The following TUT4 variants were observed in gnomAD, a reference collection of about 807,000 sequenced individuals.
TUT4 encodes the protein terminal uridylyltransferase 4.
TUT4 carries 36 observed loss-of-function variants against 192.2 expected under a neutral mutation model. That is an observed-to-expected ratio of 0.19 (90% CI 0.14 to 0.25). The LOEUF (loss-of-function observed/expected upper bound fraction) is 0.25, where lower values mean the gene tolerates loss of function less well. Ranked by LOEUF, TUT4 falls within the 10% of genes least tolerant of loss-of-function variation. The pLI, the probability that TUT4 is intolerant of heterozygous loss-of-function variation, is 1.00. For missense variants in TUT4, 1,493 were observed against 1,957.2 expected (o/e 0.76, Z 4.47); for synonymous variants, 618 against 666.0 (o/e 0.93, Z 1.11).
chr1:52,495,581 C>T (rs1672247121), intron 5 of TUT4, 66 bp from the exon 6 acceptor site: 6 of 1,255,704 alleles, frequency 4.8e-6, no homozygotes, highest in East Asian at 2.4e-5. Flanking sequence ...AAAAAAACAG[C>T]GACGGGAAAA....
intron 9 of TUT4, among the ~76,000 whole-genome samples, chr1:52,487,197 G>A (rs12402446): frequency 0.17 from 25,540 of 152,060 alleles, 4,546 homozygotes; most frequent in African/African-American, 0.45. Context: ...TGTAATCCCA[G>A]CACTTTGGGA....
At chr1:52,531,108 A>G (rs952543627) in intron 1 of TUT4, among the ~76,000 whole-genome samples, 2 of 152,214 alleles carry the variant, frequency 1.3e-5, no homozygotes, top group Non-Finnish European at 2.9e-5. Context: ...ATGGAAAAAA[A>G]TATTATCAGA....
At chr1:52,463,822 G>GA (rs1340406037) in intron 16 of TUT4, 2 of 1,298,900 alleles carry the variant, frequency 1.5e-6, no homozygotes, top group Non-Finnish European at 2.0e-6. Flanking sequence ...TCTTACTGCT[G>GA]AAATTGCACT....
intron 2 of TUT4, among the ~76,000 whole-genome samples, chr1:52,524,793 ACT>A (rs1681270578): frequency 6.6e-6 from 1 of 152,156 alleles, no homozygotes; most frequent in African/African-American, 2.4e-5. Flanking sequence ...ACACAGTAAG[ACT>A]CTGTCTCAGA....
At chr1:52,468,573 A>C (rs1206859224) in intron 14 of TUT4, 2 of 223,172 alleles carry the variant, frequency 9.0e-6, no homozygotes, top group Non-Finnish European at 1.7e-5. Flanking sequence ...TTACTTCTTC[A>C]CTCTCCCCCA....
chr1:52,483,202 G>A (rs1456766615), intron 9 of TUT4, among the ~76,000 whole-genome samples: 2 of 152,074 alleles, frequency 1.3e-5, no homozygotes, highest in Non-Finnish European at 2.9e-5. Flanking sequence ...TATGAAATTT[G>A]TGTATGTTTA....
chr1:52,488,569 T>G (rs1431410883), intron 9 of TUT4, among the ~76,000 whole-genome samples: 2 of 152,212 alleles, frequency 1.3e-5, no homozygotes, highest in African/African-American at 2.4e-5. Flanking sequence ...TCTTAATGTA[T>G]ATACATCTTA....
intron 19 of TUT4, among the ~76,000 whole-genome samples, chr1:52,459,112 C>T (rs1337716969): frequency 6.6e-6 from 1 of 151,962 alleles, no homozygotes; most frequent in Non-Finnish European, 1.5e-5. Context: ...ACGGTGAAAC[C>T]CCATCTCTAC....
chr1:52,460,077 T>C (rs1557717634), intron 19 of TUT4, among the ~76,000 whole-genome samples: 1 of 152,322 alleles, frequency 6.6e-6, no homozygotes, highest in East Asian at 1.9e-4. Flanking sequence ...ACTGTCATGT[T>C]AGAGTTACCT....
intron 4 of TUT4, among the ~76,000 whole-genome samples, chr1:52,498,901 A>AAT (rs1673220765): frequency 1.4e-5 from 1 of 73,324 alleles, no homozygotes; most frequent in African/African-American, 5.6e-5. Context: ...AAAAAAAAAA[A>AAT]TTATATATAT....
intron 9 of TUT4, among the ~76,000 whole-genome samples, chr1:52,488,543 T>G (rs1670365785): frequency 1.3e-5 from 2 of 152,148 alleles, no homozygotes; most frequent in African/African-American, 4.8e-5. Flanking sequence ...GGGAAAAAAA[T>G]ATGCCAACAA....
Position 52,481,184 on chromosome 1 carries a change from G to A in TUT4, c.1848+239C>T, listed in dbSNP as rs983937514. ...AATTTTCCTTGTCTAGATGAAAAATGACAGATTTATCTTGACATGATTCAA... is the reference window on the plus strand; with the variant it reads ...AATTTTCCTTGTCTAGATGAAAAATAACAGATTTATCTTGACATGATTCAA... On this transcript the variant is annotated intron_variant, in intron 11 of 29. Transcript: ENST00000257177. Among the ~76,000 whole-genome samples, 4 of 152,098 alleles carry A rather than the reference G, an allele frequency of 2.6e-5. No individual in the cohort carries two copies. The East Asian group carries it at 5.8e-4, about 22-fold the overall frequency.
At chr1:52,436,359 G>A (rs1224987464) in intron 26 of TUT4, among the ~76,000 whole-genome samples, 7 of 152,042 alleles carry the variant, frequency 4.6e-5, no homozygotes, top group Admixed American at 1.3e-4. Context: ...GGTGGCATGC[G>A]CCTGTAATCC....
At chr1:52,497,914 C>G (rs1672866402) in intron 4 of TUT4, among the ~76,000 whole-genome samples, 1 of 152,192 alleles carries the variant, frequency 6.6e-6, no homozygotes, top group African/African-American at 2.4e-5. Flanking sequence ...AACACATCCC[C>G]TCCCCACACA....
intron 2 of TUT4, among the ~76,000 whole-genome samples, chr1:52,521,675 A>G (rs1198336930): frequency 6.8e-6 from 1 of 147,974 alleles, no homozygotes; most frequent in Admixed American, 6.7e-5. Context: ...AAAACAACAA[A>G]AAAAAGACAG....
chr1:52,552,371 G>A (rs957326450), intron 1 of TUT4, among the ~76,000 whole-genome samples: 10 of 152,246 alleles, frequency 6.6e-5, no homozygotes, highest in African/African-American at 2.2e-4. Context: ...GGGGGGCGGG[G>A]GAGAGAGAAG....
chr1:52,469,126 T>C (rs1453245071), intron 14 of TUT4, among the ~76,000 whole-genome samples: 1 of 152,144 alleles, frequency 6.6e-6, no homozygotes, highest in African/African-American at 2.4e-5. Flanking sequence ...CATGACACAA[T>C]GCACTTGTCA....
chr1:52,467,760 A>T (rs1270869700), intron 15 of TUT4, among the ~76,000 whole-genome samples: 2 of 152,178 alleles, frequency 1.3e-5, no homozygotes, highest in Non-Finnish European at 2.9e-5. Flanking sequence ...CACTCCAGCC[A>T]CACTGACTTC....
chr1:52,551,426 A>G (rs372375224), intron 1 of TUT4, among the ~76,000 whole-genome samples: 1 of 152,194 alleles, frequency 6.6e-6, no homozygotes, highest in Non-Finnish European at 1.5e-5. Flanking sequence ...TTTTGTTTAT[A>G]TTAAATATAA....
Sources: gnomAD v4.1 joint callset for allele counts (sites outside exome capture counted in the v4.1 genomes callset) on GRCh38, gnomAD v4.1.1 for gene constraint, MANE v1.5 for transcripts, NCBI Gene and HGNC (gene_info 2026-07-23, HGNC 2026-07-21) for gene names.